Variants in MGAT4C observed in about 807,000 individuals in gnomAD.
MGAT4C encodes the protein MGAT4 family member C, also known as alpha-1,3-mannosyl-glycoprotein 4-beta-N-acetylglucosaminyltransferase C.
In MGAT4C, 19 loss-of-function variants were observed where a neutral mutation model predicts 40.1. The ratio of observed to expected loss-of-function variants is 0.47; its 90% CI spans 0.33 to 0.70. The LOEUF (loss-of-function observed/expected upper bound fraction) is 0.70, where lower values mean the gene tolerates loss of function less well. Among genes scored for constraint, MGAT4C ranks in the 30% least tolerant of loss-of-function variants. The probability of loss-of-function intolerance (pLI) is 0.02; values close to 1 mark genes in which losing one functional copy is unlikely to be tolerated. For missense variants in MGAT4C, 491 were observed against 563.2 expected, an observed-to-expected ratio of 0.87 and a Z score of 1.30; for synonymous variants, 181 against 187.1, an observed-to-expected ratio of 0.97 and a Z score of 0.27.
chr12:86,303,521 T>C (rs1237777407), intron 4 of MGAT4C, among the ~76,000 whole-genome samples: 2 of 149,110 alleles, frequency 1.3e-5, no homozygotes, highest in African/African-American at 5.1e-5. Flanking sequence ...ACTAAAATTT[T>C]ATAGGTATAA....
At chr12:86,561,261 C>T (rs1165576644) in intron 2 of MGAT4C, among the ~76,000 whole-genome samples, 1 of 151,766 alleles carries the variant, frequency 6.6e-6, no homozygotes, top group Non-Finnish European at 1.5e-5. Flanking sequence ...CACAAAAGAC[C>T]CTGTGATCGT....
chr12:86,617,769 C>T (rs890347064), intron 2 of MGAT4C, among the ~76,000 whole-genome samples: 3 of 151,476 alleles, frequency 2.0e-5, no homozygotes, highest in African/African-American at 7.3e-5. Context: ...CAGTACTTTG[C>T]TCTAGGCAAA....
intron 1 of MGAT4C, among the ~76,000 whole-genome samples, chr12:86,101,061 T>C (rs1217599563): frequency 6.6e-6 from 1 of 151,722 alleles, no homozygotes; most frequent in Non-Finnish European, 1.5e-5. Flanking sequence ...AATGTAAAAA[T>C]AGATTTCATA....
At chr12:86,424,878 TC>T (rs1234388500) in intron 3 of MGAT4C, among the ~76,000 whole-genome samples, 1 of 152,118 alleles carries the variant, frequency 6.6e-6, no homozygotes. Flanking sequence ...TGCCTCAGCC[TC>T]CCGAGTAGCT....
chr12:86,629,610 C>A (rs1055370308), intron 2 of MGAT4C, among the ~76,000 whole-genome samples: 1 of 152,232 alleles, frequency 6.6e-6, no homozygotes, highest in East Asian at 1.9e-4. Context: ...CACTCAAAAC[C>A]GCCCAACTAC....
At chr12:86,363,502 A>T (rs1225137911) in intron 3 of MGAT4C, among the ~76,000 whole-genome samples, 1 of 152,076 alleles carries the variant, frequency 6.6e-6, no homozygotes, top group African/African-American at 2.4e-5. Context: ...TGCTTACATT[A>T]GAAAAGAAAA....
At chr12:86,275,987 G>A (rs1953071454) in intron 4 of MGAT4C, among the ~76,000 whole-genome samples, 1 of 149,540 alleles carries the variant, frequency 6.7e-6, no homozygotes, top group Non-Finnish European at 1.5e-5. Flanking sequence ...GCCGGGCGTG[G>A]TGTTGGCCGC....
At chr12:86,436,043 C>T (rs1957130690) in intron 2 of MGAT4C, among the ~76,000 whole-genome samples, 1 of 151,776 alleles carries the variant, frequency 6.6e-6, no homozygotes, top group Non-Finnish European at 1.5e-5. Context: ...ATGATCTAAG[C>T]AATACATTGA....
chr12:86,102,490 G>C (rs1396365471), intron 1 of MGAT4C, among the ~76,000 whole-genome samples: 3 of 151,930 alleles, frequency 2.0e-5, no homozygotes, highest in Non-Finnish European at 4.4e-5. Context: ...AACACCTATT[G>C]GAAGTAAAAA....
intron 1 of MGAT4C, among the ~76,000 whole-genome samples, chr12:86,786,478 TA>T (rs888149448): frequency 6.6e-6 from 1 of 152,048 alleles, no homozygotes; most frequent in African/African-American, 2.4e-5. Flanking sequence ...GTCAAGAAAT[TA>T]AATATGTTGG....
At chr12:86,155,925 G>C (rs1884877998) in intron 1 of MGAT4C, among the ~76,000 whole-genome samples, 1 of 152,100 alleles carries the variant, frequency 6.6e-6, no homozygotes, top group Non-Finnish European at 1.5e-5. Context: ...TTACACATTT[G>C]CTGTTGCTAT....
intron 4 of MGAT4C, among the ~76,000 whole-genome samples, chr12:86,297,734 A>C (rs919451461): frequency 1.3e-5 from 2 of 152,304 alleles, no homozygotes; most frequent in Admixed American, 1.3e-4. Flanking sequence ...GTGGTTTATG[A>C]AAACCCAATG....
intron 3 of MGAT4C, among the ~76,000 whole-genome samples, chr12:86,340,976 G>A (rs886528644): frequency 6.6e-6 from 1 of 150,808 alleles, no homozygotes; most frequent in Non-Finnish European, 1.5e-5. Flanking sequence ...TATTTAAAAG[G>A]GCTTATAAAA....
At chr12:86,315,563 G>GT in intron 4 of MGAT4C, among the ~76,000 whole-genome samples, 2 of 152,080 alleles carry the variant, frequency 1.3e-5, no homozygotes, top group Admixed American at 1.3e-4. Flanking sequence ...AAAATTAGCC[G>GT]GGCGTGGTGG....
At chr12:86,100,505 T>G (rs1233112476) in intron 1 of MGAT4C, among the ~76,000 whole-genome samples, 1 of 151,372 alleles carries the variant, frequency 6.6e-6, no homozygotes, top group Non-Finnish European at 1.5e-5. Context: ...CTGCCCCCAA[T>G]GCCCACCACC....
At chr12:86,047,660 G>A (rs541038944) in intron 2 of MGAT4C, among the ~76,000 whole-genome samples, 19 of 152,156 alleles carry the variant, frequency 1.2e-4, no homozygotes, top group East Asian at 3.9e-4. Flanking sequence ...ACCTCATGGC[G>A]AAAAAGGGTC....
At chr12:86,152,254 T>C (rs919159395) in intron 1 of MGAT4C, among the ~76,000 whole-genome samples, 1 of 152,176 alleles carries the variant, frequency 6.6e-6, no homozygotes, top group Admixed American at 6.5e-5. Context: ...AACCAGAAAT[T>C]TACTTCTCAC....
At chr12:86,240,022 A>G (rs1392092937) in intron 1 of MGAT4C, among the ~76,000 whole-genome samples, 1 of 37,896 alleles carries the variant, frequency 2.6e-5, no homozygotes, top group African/African-American at 1.7e-4. Flanking sequence ...AACTTAGAGT[A>G]TAATAAAAAA....
chr12:86,532,038 T>C (rs1349343678), intron 2 of MGAT4C, among the ~76,000 whole-genome samples: 1 of 151,884 alleles, frequency 6.6e-6, no homozygotes, highest in Non-Finnish European at 1.5e-5. Flanking sequence ...AAAATAAGAA[T>C]ATCAGTCAAG....
Sources: allele counts gnomAD v4.1 joint callset (sites outside exome capture counted in the v4.1 genomes callset), GRCh38; gene constraint gnomAD v4.1.1; transcripts MANE v1.5; gene names NCBI Gene and HGNC (gene_info 2026-07-23, HGNC 2026-07-21).